CHST15: variants seen among roughly 807,000 people sequenced by gnomAD.
CHST15 encodes the protein B cell RAG associated protein (GALNAC4S-6ST).
In CHST15, 30 loss-of-function variants were observed where a neutral mutation model predicts 53.6. The observed-to-expected ratio is 0.56, with a 90% CI of 0.42 to 0.76. The LOEUF (loss-of-function observed/expected upper bound fraction) is 0.76. Ranked by LOEUF, CHST15 falls within the 30% of genes least tolerant of loss-of-function variation. CHST15 has a pLI of 0.00. For missense variants in CHST15, 627 were observed against 740.5 expected (o/e 0.85, Z 1.78); for synonymous variants, 296 against 289.8 (o/e 1.02, Z -0.22).
At chr10:124,054,858 G>A (rs1948322302) in intron 1 of CHST15, among the ~76,000 whole-genome samples, 1 of 152,196 alleles carries the variant, frequency 6.6e-6, no homozygotes, top group African/African-American at 2.4e-5. Flanking sequence ...ATGCCAAATT[G>A]ATATGTTGAT....
At chr10:124,012,565 C>T in intron 6 of CHST15, 85 bp from the exon 7 acceptor site, 11 of 1,423,114 alleles carry the variant, frequency 7.7e-6, no homozygotes, top group Non-Finnish European at 1.0e-5. Context: ...TGGCATTTCA[C>T]TGTACCACAA....
At chr10:124,037,929 C>A (rs1209741753) in intron 5 of CHST15, among the ~76,000 whole-genome samples, 2 of 152,152 alleles carry the variant, frequency 1.3e-5, no homozygotes, top group Non-Finnish European at 2.9e-5. Context: ...TACCAAGGAA[C>A]CGTCCTGTGC....
In CHST15 at chr10:124,046,226, C is replaced by T. The variant is rs1948001428; in HGVS notation, c.-14G>A. On this transcript the variant is annotated 5_prime_UTR_variant, in exon 2 of 8. Coordinates refer to ENST00000435907, the MANE Select transcript of CHST15 (RefSeq NM_001270764.2). ...GCAGTGCCTCATGGTAGTGCCAGTG[C>T]CCTGGGCTGCTGGCTTACCGAGCCA... The T allele has an allele frequency of 1.9e-6, 3 of 1,567,564 alleles. No homozygotes were observed. Among genetic ancestry groups the T allele is most frequent in the Non-Finnish European group, 2.6e-6 (3 of 1,155,678 alleles).
At chr10:124,048,488 G>A (rs1744547893) in intron 1 of CHST15, among the ~76,000 whole-genome samples, 1 of 152,168 alleles carries the variant, frequency 6.6e-6, no homozygotes, top group African/African-American at 2.4e-5. Context: ...TCTTATCCCT[G>A]AGGGCAGCTG....
At position 124,036,317 on chromosome 10, in the gene CHST15, A is replaced by C. The variant is rs920662323; in HGVS notation, c.1190+2198T>G. 6.6e-6 allele frequency among the ~76,000 whole-genome samples: 1 copy of C among 152,218 alleles called. No homozygotes were observed. Among genetic ancestry groups the C allele is most frequent in the African/African-American group, 2.4e-5 (1 of 41,454 alleles). On this transcript the variant is annotated intron_variant, in intron 5 of 7. Transcript: ENST00000435907. This position sits in a 1 kb window ranked among gnomAD's most constrained non-coding sequence, Gnocchi z 5.1. ...CAAAACACGGGAACCAGCAGGTGGG[A>C]CATGGCAAGGGACGGCAAGTCAGTG... is the stretch of plus-strand genomic sequence containing the variant.
At chr10:124,055,067 C>G (rs1488001789) in intron 1 of CHST15, among the ~76,000 whole-genome samples, 2 of 152,098 alleles carry the variant, frequency 1.3e-5, no homozygotes, top group African/African-American at 4.8e-5. Context: ...ACAAAGTAAC[C>G]CTTCTCTTCC....
intron 1 of CHST15, among the ~76,000 whole-genome samples, chr10:124,053,311 C>A (rs551065379): frequency 6.6e-6 from 1 of 152,086 alleles, no homozygotes; most frequent in Admixed American, 6.5e-5. Context: ...AAAGCTGGCA[C>A]GTGCCAGGCC....
chr10:124,052,192 A>AT (rs1948222688), intron 1 of CHST15, among the ~76,000 whole-genome samples: 1 of 152,182 alleles, frequency 6.6e-6, no homozygotes, highest in Non-Finnish European at 1.5e-5. Flanking sequence ...ATGGAAATAT[A>AT]TTTTTTCAAG....
chr10:124,013,642 A>G (rs979904914), intron 6 of CHST15, among the ~76,000 whole-genome samples: 1 of 152,202 alleles, frequency 6.6e-6, no homozygotes. Flanking sequence ...TGAACTTGCA[A>G]CTGGTGTCAG....
intron 4 of CHST15, among the ~76,000 whole-genome samples, 181 bp from the exon 5 acceptor site, chr10:124,038,852 G>A (rs1043533709): frequency 3.5e-4 from 51 of 145,500 alleles, no homozygotes; most frequent in African/African-American, 1.4e-3. Flanking sequence ...GCCCCCCCCT[G>A]CCACAGCCAC....
intron 1 of CHST15, among the ~76,000 whole-genome samples, chr10:124,090,836 C>A (rs750435195): frequency 2.6e-5 from 4 of 152,210 alleles, no homozygotes; most frequent in Non-Finnish European, 5.9e-5. Context: ...TGCCTGCCAC[C>A]CCCCTGGACA....
intron 7 of CHST15, chr10:124,010,887 C>T: frequency 1.0e-6 from 1 of 985,470 alleles, no homozygotes; most frequent in Non-Finnish European, 1.2e-6. Flanking sequence ...CCAGAGCCCC[C>T]ACTGGCTGAA....
At chr10:124,013,114 T>A (rs1368660836) in intron 6 of CHST15, among the ~76,000 whole-genome samples, 1 of 150,718 alleles carries the variant, frequency 6.6e-6, no homozygotes, top group African/African-American at 2.5e-5. Context: ...GATTTAACTC[T>A]ACTCAGAGAG....
At chr10:124,038,268 G>T (rs778708370) in intron 5 of CHST15, among the ~76,000 whole-genome samples, 4 of 151,910 alleles carry the variant, frequency 2.6e-5, no homozygotes, top group Middle Eastern at 3.2e-3. Flanking sequence ...CACCACATCT[G>T]GTAATTTTTG....
chr10:124,062,671 T>A (rs1247678508), intron 1 of CHST15, among the ~76,000 whole-genome samples: 1 of 151,902 alleles, frequency 6.6e-6, no homozygotes, highest in Non-Finnish European at 1.5e-5. Flanking sequence ...GCAAACAGGA[T>A]CTCAGCTCAA....
chr10:124,022,807 A>AT (rs1946835499), intron 5 of CHST15, among the ~76,000 whole-genome samples: 1 of 119,278 alleles, frequency 8.4e-6, no homozygotes, highest in African/African-American at 3.3e-5. Context: ...GCTCCTTGGC[A>AT]TTTCTTTTTT....
chr10:124,083,067 G>A (rs1416105118), intron 1 of CHST15, among the ~76,000 whole-genome samples: 1 of 152,140 alleles, frequency 6.6e-6, no homozygotes, highest in African/African-American at 2.4e-5. Flanking sequence ...GTATACTTTG[G>A]GTGAATTTTA....
rs940773219 is a variant in CHST15, at chr10:124,074,496, C to G, written c.-513+18973G>C. 6.6e-6 allele frequency among the ~76,000 whole-genome samples: 1 copy of G among 152,098 alleles called. No individual in the cohort carries two copies. Among genetic ancestry groups the G allele is most frequent in the Non-Finnish European group, 1.5e-5 (1 of 68,028 alleles). On this transcript the variant is annotated intron_variant, in intron 1 of 7. Coordinates refer to ENST00000435907, the MANE Select transcript of CHST15 (RefSeq NM_001270764.2). The surrounding 1 kb of genome is among the most constrained non-coding windows in gnomAD (Gnocchi z 4.4). ...AACAAGGATTCTAGCACATTCTAAG[C>G]CTTAAAATGAGAACTCTGGGTCCAG...
intron 1 of CHST15, among the ~76,000 whole-genome samples, chr10:124,051,176 C>A (rs979849760): frequency 1.3e-5 from 2 of 152,084 alleles, no homozygotes; most frequent in Middle Eastern, 3.2e-3. Flanking sequence ...CTCTTGGCCT[C>A]AAGTGATCCA....
Sources: allele counts gnomAD v4.1 joint callset (sites outside exome capture counted in the v4.1 genomes callset), GRCh38; gene constraint gnomAD v4.1.1; non-coding constraint Gnocchi (gnomAD v3.1); transcripts MANE v1.5; gene names NCBI Gene and HGNC (gene_info 2026-07-23, HGNC 2026-07-21).